The following LPCAT2 variants were observed in gnomAD, a reference collection of about 807,000 sequenced individuals.
The protein encoded by LPCAT2 is lysophosphatidylcholine acyltransferase 2.
In LPCAT2, 58 loss-of-function variants were observed where a neutral mutation model predicts 64.7. The ratio of observed to expected loss-of-function variants is 0.90; its 90% CI spans 0.73 to 1.12. The LOEUF (loss-of-function observed/expected upper bound fraction) is 1.12, where lower values mean the gene tolerates loss of function less well. Among genes scored for constraint, LPCAT2 ranks in the 50% most tolerant of loss-of-function variants. The pLI, the probability that LPCAT2 is intolerant of heterozygous loss-of-function variation, is 0.00. For missense variants in LPCAT2, 579 were observed against 669.8 expected (o/e 0.86, Z 1.50); for synonymous variants, 252 against 245.3 (o/e 1.03, Z -0.26).
At chr16:55,520,936 A>T (rs1963087155) in intron 1 of LPCAT2, among the ~76,000 whole-genome samples, 1 of 151,874 alleles carries the variant, frequency 6.6e-6, no homozygotes, top group African/African-American at 2.4e-5. Flanking sequence ...TTTTACCTTC[A>T]GTAGCTGGAA....
intron 2 of LPCAT2, among the ~76,000 whole-genome samples, chr16:55,527,394 C>T (rs560716501): frequency 6.7e-6 from 1 of 150,346 alleles, no homozygotes; most frequent in African/African-American, 2.4e-5. Flanking sequence ...GCAGGAGAAT[C>T]GCTTGTACCT....
At chr16:55,509,883 C>G (rs1962902659) in intron 1 of LPCAT2, among the ~76,000 whole-genome samples, 1 of 151,716 alleles carries the variant, frequency 6.6e-6, no homozygotes, top group Non-Finnish European at 1.5e-5. Flanking sequence ...ACATTCCATG[C>G]CCCAGAAGGT....
chr16:55,571,518 CTG>C (rs1358845235), intron 11 of LPCAT2, among the ~76,000 whole-genome samples: 1 of 152,118 alleles, frequency 6.6e-6, no homozygotes, highest in African/African-American at 2.4e-5. Context: ...AGTTCTAACT[CTG>C]GACTTCTCTG....
rs370097049 is a variant in LPCAT2, at chr16:55,573,049, A to T, written c.1216-1582A>T. On this transcript the variant is annotated intron_variant, in intron 11 of 13. Coordinates refer to ENST00000262134, the MANE Select transcript of LPCAT2 (RefSeq NM_017839.5). ...TTTCAGGAATAAACCTTGTTCCTTT[A>T]GGGAAATCTTGAAACCTCTGTTTCT... Among the ~76,000 whole-genome samples the T allele has an allele frequency of 2.6e-5, 4 of 152,208 alleles. No homozygotes were observed. In the East Asian group the frequency reaches 5.8e-4, roughly 22 times the overall value.
chr16:55,551,696 A>C (rs2142400507), intron 11 of LPCAT2, among the ~76,000 whole-genome samples: 1 of 152,348 alleles, frequency 6.6e-6, no homozygotes, highest in South Asian at 2.1e-4. Context: ...ATGCAATTAG[A>C]TAATTGAACT....
At chr16:55,525,844 A>G (rs1254538411) in intron 2 of LPCAT2, 197 bp downstream of exon 2, 2 of 340,166 alleles carry the variant, frequency 5.9e-6, no homozygotes, top group Admixed American at 4.8e-5. Flanking sequence ...TTTATTTCTC[A>G]TATGAAATAC....
At chr16:55,569,919 A>G (rs1286979099) in intron 11 of LPCAT2, among the ~76,000 whole-genome samples, 2 of 152,190 alleles carry the variant, frequency 1.3e-5, no homozygotes, top group East Asian at 3.8e-4. Context: ...TTAACTTGAC[A>G]CCTTTTTAAA....
At chr16:55,546,599 G>A (rs1472515194) in intron 9 of LPCAT2, among the ~76,000 whole-genome samples, 2 of 152,112 alleles carry the variant, frequency 1.3e-5, no homozygotes, top group Non-Finnish European at 1.5e-5. Context: ...CCATGTATAT[G>A]TGTATATGTA....
chr16:55,542,265 C>T (rs1483084453), intron 8 of LPCAT2, among the ~76,000 whole-genome samples: 2 of 152,088 alleles, frequency 1.3e-5, no homozygotes, highest in Non-Finnish European at 2.9e-5. Flanking sequence ...ACCTGAGAAA[C>T]ATGTCGCTTA....
intron 3 of LPCAT2, 128 bp downstream of exon 3, chr16:55,528,722 T>C (rs1963210579): frequency 4.2e-6 from 3 of 706,438 alleles, no homozygotes; most frequent in East Asian, 5.5e-5. Flanking sequence ...ATATTTACTT[T>C]ATTGTAATAA....
At chr16:55,579,855 A>G (rs1406463017) in intron 13 of LPCAT2, among the ~76,000 whole-genome samples, 4 of 152,172 alleles carry the variant, frequency 2.6e-5, no homozygotes, top group Non-Finnish European at 4.4e-5. Flanking sequence ...TATCATGGAG[A>G]AAGACCTTGT....
intron 11 of LPCAT2, chr16:55,566,592 C>A (rs1963699205): frequency 1.4e-6 from 1 of 692,480 alleles, no homozygotes; most frequent in Non-Finnish European, 2.3e-6. Context: ...TCATGGAACT[C>A]AGGTATCTTC....
Position 55,529,950 on chromosome 16 carries a change from A to G in LPCAT2, c.642+3A>G, listed in dbSNP as rs201386679. ...CATCAGGAGGAGAATGGCCCCAGGT[A>G]AAACATGGTAGATGTTAATTTAAAT... On this transcript the variant is annotated splice_donor_region_variant and intron_variant, in intron 4 of 13. Coordinates refer to ENST00000262134, the MANE Select transcript of LPCAT2 (RefSeq NM_017839.5). 3.8e-6 allele frequency: 6 copies of G among 1,595,458 alleles called. No homozygotes were observed. Among genetic ancestry groups the G allele is most frequent in the Non-Finnish European group, 3.4e-6 (4 of 1,167,360 alleles).
intron 12 of LPCAT2, 73 bp from the exon 13 acceptor site, chr16:55,579,036 A>G: frequency 1.4e-6 from 2 of 1,404,768 alleles, no homozygotes; most frequent in East Asian, 4.6e-5. Context: ...ATTATTAAAG[A>G]CTTTATTTTC....
intron 11 of LPCAT2, among the ~76,000 whole-genome samples, chr16:55,554,773 G>C (rs1167636689): frequency 6.6e-6 from 1 of 152,158 alleles, no homozygotes; most frequent in African/African-American, 2.4e-5. Context: ...TTGATGTGAA[G>C]TAAGAAATAT....
rs200254323 is a variant in LPCAT2, at chr16:55,509,297, C to G, written c.116C>G (p.Pro39Arg). ...CGTCAGGCGTCCTTCTTCCCGCCGCCGGTGCCGAACCCCTTCGTGCAGCAG... is the reference window on the plus strand; with the variant it reads ...CGTCAGGCGTCCTTCTTCCCGCCGCGGGTGCCGAACCCCTTCGTGCAGCAG... ...VPRQASFFPP[P>R]VPNPFVQQTQ... Residue 39 changes from proline (P) to arginine (R), a missense_variant, in exon 1 of 14, where the codon CCG (proline) becomes CGG (arginine). Transcript: ENST00000262134. 1 of 1,511,126 alleles carries G rather than the reference C, an allele frequency of 6.6e-7. No individual in the cohort carries two copies. Among genetic ancestry groups the G allele is most frequent in the Non-Finnish European group, 8.9e-7 (1 of 1,122,034 alleles). The allele number at this position is 1,511,126 out of a possible 1,614,324, so 93.6% of individuals were successfully genotyped here.
intron 4 of LPCAT2, among the ~76,000 whole-genome samples, chr16:55,530,494 G>T (rs531620823): frequency 0.016 from 780 of 49,526 alleles, 4 homozygotes; most frequent in African/African-American, 0.044. Flanking sequence ...TGCGGGGGTG[G>T]GGGGGGGGTA....
chr16:55,539,997 A>G (rs375200001), intron 8 of LPCAT2: 1 of 152,196 alleles, frequency 6.6e-6, no homozygotes, highest in East Asian at 1.9e-4. Context: ...GAGTCACATG[A>G]CACCCCATTA....
At chr16:55,521,684 A>G (rs1963098186) in intron 1 of LPCAT2, among the ~76,000 whole-genome samples, 1 of 151,810 alleles carries the variant, frequency 6.6e-6, no homozygotes, top group Admixed American at 6.5e-5. Context: ...TTTAACATAT[A>G]AAATTCCAAT....
Sources: allele counts gnomAD v4.1 joint callset (sites outside exome capture counted in the v4.1 genomes callset), GRCh38; gene constraint gnomAD v4.1.1; transcripts MANE v1.5; gene names NCBI Gene and HGNC (gene_info 2026-07-23, HGNC 2026-07-21).